The following MAPRE2 variants were observed in gnomAD, a reference collection of about 807,000 sequenced individuals.
MAPRE2 encodes the protein microtubule-associated protein RP/EB family member 2.
Under a neutral mutation model 43.2 loss-of-function variants are expected in MAPRE2, and 13 were observed. The ratio of observed to expected loss-of-function variants is 0.30; its 90% CI spans 0.20 to 0.48. MAPRE2 has a LOEUF of 0.48. MAPRE2 is among the 20% of genes least tolerant of loss of function. MAPRE2 has a pLI of 0.99. For synonymous variants in MAPRE2, 135 were observed against 148.8 expected (o/e 0.91, Z 0.68); for missense variants, 161 against 400.2 (o/e 0.40, Z 5.10).
chr18:35,140,324 G>A lies in MAPRE2; in HGVS notation c.939G>A (p.Glu313=), dbSNP rs1357358208. ...HEGHTEEPEA[E]EQAHEQQPPQ... ...GCCACACAGAAGAGCCGGAAGCAGA[G>A]GAGCAAGCCCACGAACAGCAGCCCC... Residue 313 remains glutamate, a synonymous_variant, in exon 7 of 7, where the codon GAG becomes GAA. Coordinates refer to ENST00000300249, the MANE Select transcript of MAPRE2 (RefSeq NM_014268.4). The A allele has an allele frequency of 1.9e-6, 3 of 1,613,914 alleles. No homozygotes were observed. Among genetic ancestry groups the A allele is most frequent in the Non-Finnish European group, 2.5e-6 (3 of 1,179,928 alleles).
At chr18:35,099,340 C>T (rs1908569135) in intron 3 of MAPRE2, among the ~76,000 whole-genome samples, 1 of 152,300 alleles carries the variant, frequency 6.6e-6, no homozygotes, top group Middle Eastern at 3.4e-3. Flanking sequence ...TGAGGCTGAG[C>T]ACAGTGGCTC....
At chr18:35,125,701 A>G (rs1227364425) in intron 4 of MAPRE2, among the ~76,000 whole-genome samples, 2 of 152,374 alleles carry the variant, frequency 1.3e-5, no homozygotes, top group Middle Eastern at 3.4e-3. Context: ...TACACTGCGT[A>G]TACATTGGGA....
At chr18:35,055,351 C>A (rs564514759) in intron 1 of MAPRE2, among the ~76,000 whole-genome samples, 1 of 152,300 alleles carries the variant, frequency 6.6e-6, no homozygotes, top group East Asian at 1.9e-4. Context: ...CTTTCATTAT[C>A]ACCTGGCCTT....
At chr18:35,024,064 T>C (rs1428409357) in intron 2 of MAPRE2, among the ~76,000 whole-genome samples, 1 of 152,232 alleles carries the variant, frequency 6.6e-6, no homozygotes, top group African/African-American at 2.4e-5. Flanking sequence ...CATAATTTTT[T>C]GGTCATAATG....
chr18:35,082,372 G>A (rs2144130708), intron 2 of MAPRE2: 1 of 151,338 alleles, frequency 6.6e-6, no homozygotes, highest in South Asian at 2.1e-4. Flanking sequence ...TTTGTGCCCA[G>A]AAATCAGCAT....
intron 4 of MAPRE2, among the ~76,000 whole-genome samples, chr18:35,115,455 G>C (rs747280001): frequency 2.0e-5 from 3 of 152,066 alleles, no homozygotes; most frequent in Non-Finnish European, 2.9e-5. Context: ...TGAGATTTTA[G>C]TGCACCCATC....
At chr18:34,977,823 C>G (rs2097014060) in intron 1 of MAPRE2, among the ~76,000 whole-genome samples, 1 of 152,364 alleles carries the variant, frequency 6.6e-6, no homozygotes, top group South Asian at 2.1e-4. Flanking sequence ...ATTCTTCGGT[C>G]TACCCTTAGA....
intron 2 of MAPRE2, 176 bp downstream of exon 2, chr18:35,070,498 T>C (rs1390301557): frequency 2.2e-6 from 1 of 463,924 alleles, no homozygotes; most frequent in Non-Finnish European, 3.6e-6. Flanking sequence ...GAAAAGTGTT[T>C]ATGAGCATCC....
intron 2 of MAPRE2, among the ~76,000 whole-genome samples, chr18:35,016,451 G>A (rs868053158): frequency 6.6e-6 from 1 of 151,846 alleles, no homozygotes; most frequent in African/African-American, 2.4e-5. Flanking sequence ...CCCTTTTCTC[G>A]ACATCCTTGT....
chr18:35,131,857 T>C (rs928036738), intron 5 of MAPRE2, 175 bp from the exon 6 acceptor site: 29 of 617,682 alleles, frequency 4.7e-5, no homozygotes, highest in African/African-American at 4.6e-4. Flanking sequence ...ATTGGACGTT[T>C]TGGCCCAGGG....
In MAPRE2 at chr18:34,997,031, G is replaced by A. The variant is rs9948286; in HGVS notation, c.-69-8461G>A. On this transcript the variant is annotated intron_variant, in intron 1 of 7. Transcript: ENST00000413393. ...AGTTAGTAATCCTCTTCTTTTCATGGCGTTATGCTTAAAAAAGGGGGGTGG... is the reference window on the plus strand; with the variant it reads ...AGTTAGTAATCCTCTTCTTTTCATGACGTTATGCTTAAAAAAGGGGGGTGG... Among the ~76,000 whole-genome samples, 979 of 152,144 alleles carry A rather than the reference G, an allele frequency of 6.4e-3. 9 individuals carry two copies. The highest frequency in any genetic ancestry group is 0.022 in the African/African-American group (906 of 41,508).
intron 1 of MAPRE2, among the ~76,000 whole-genome samples, chr18:35,068,615 GAGTT>G (rs1187969060): frequency 3.9e-5 from 6 of 152,342 alleles, no homozygotes; most frequent in African/African-American, 1.4e-4. Context: ...TAGAGAAAAA[GAGTT>G]AGGCACCTCT....
In MAPRE2 at chr18:35,123,644, T is replaced by G. The variant is rs114377017; in HGVS notation, c.611-3304T>G. On this transcript the variant is annotated intron_variant, in intron 4 of 6. Transcript: ENST00000300249. ...GAGGAAACCAAGGAGGAGCTCTCTT[T>G]CTGGGAGGCTGATGGTTTTTATTTG... is the stretch of plus-strand genomic sequence containing the variant. 8.7e-3 allele frequency among the ~76,000 whole-genome samples: 1,328 copies of G among 152,336 alleles called. 18 individuals are homozygous for G. The highest frequency in any genetic ancestry group is 0.03 in the African/African-American group (1,266 of 41,568).
At chr18:35,133,431 C>T (rs966075803) in intron 6 of MAPRE2, among the ~76,000 whole-genome samples, 2 of 152,132 alleles carry the variant, frequency 1.3e-5, no homozygotes, top group African/African-American at 2.4e-5. Flanking sequence ...AGTATGTCTG[C>T]AGCTGCCACA....
chr18:35,012,182 A>G (rs2097035186), intron 2 of MAPRE2, among the ~76,000 whole-genome samples: 1 of 152,158 alleles, frequency 6.6e-6, no homozygotes. Flanking sequence ...GAAGCCCAGT[A>G]TTGCCCATGT....
intron 2 of MAPRE2, among the ~76,000 whole-genome samples, chr18:35,031,176 T>C (rs557250232): frequency 1.3e-5 from 2 of 152,340 alleles, no homozygotes; most frequent in African/African-American, 4.8e-5. Context: ...ATACACTTGC[T>C]CATACACTCA....
rs534038698 is a variant in MAPRE2 at position 34,993,136 on chromosome 18, T to C, written c.-69-12356T>C. ...ATGAATGAATGAGTGAGACAGGATC[T>C]CACTCTTGCTCAGATTGGATTGCAG... On this transcript the variant is annotated intron_variant, in intron 1 of 7. Coordinates refer to the MAPRE2 transcript ENST00000413393. 4.8e-4 allele frequency among the ~76,000 whole-genome samples: 73 copies of C among 152,242 alleles called. 1 individual carries two copies. Among genetic ancestry groups the C allele is most frequent in the African/African-American group, 1.7e-3 (72 of 41,550 alleles).
rs567497718 is a variant in MAPRE2 at position 35,092,622 on chromosome 18, C to T, written c.251-4824C>T. Among the ~76,000 whole-genome samples the T allele has an allele frequency of 4.6e-4, 70 of 152,038 alleles. 1 individual carries two copies. The highest frequency in any genetic ancestry group is 1.6e-3 in the African/African-American group (65 of 41,494). On this transcript the variant is annotated intron_variant, in intron 2 of 6. Coordinates refer to ENST00000300249, the MANE Select transcript of MAPRE2 (RefSeq NM_014268.4). The stretch of plus-strand genomic sequence containing the variant: ...CAAAAATAGACAAATAGGATTATAT[C>T]GAACAAAAAAACTCCTTCACAGCAA...
intron 4 of MAPRE2, among the ~76,000 whole-genome samples, chr18:35,122,320 T>G (rs1020658595): frequency 6.6e-6 from 1 of 152,136 alleles, no homozygotes; most frequent in East Asian, 1.9e-4. Flanking sequence ...AATTATGGGG[T>G]TTTTTTGTTG....
Sources: allele counts gnomAD v4.1 joint callset (sites outside exome capture counted in the v4.1 genomes callset), GRCh38; gene constraint gnomAD v4.1.1; transcripts MANE v1.5; gene names NCBI Gene and HGNC (gene_info 2026-07-23, HGNC 2026-07-21).